The following DHRS7 variants were observed in gnomAD, a reference collection of about 807,000 sequenced individuals.
The protein encoded by DHRS7 is dehydrogenase/reductase 7.
In DHRS7, 34 loss-of-function variants were observed where a neutral mutation model predicts 38.9. The ratio of observed to expected loss-of-function variants is 0.87; its 90% confidence interval spans 0.66 to 1.16. The LOEUF is 1.16. Among genes scored for constraint, DHRS7 ranks in the 50% most tolerant of loss-of-function variants. DHRS7 has a pLI of 0.00. For synonymous variants in DHRS7, 158 were observed against 153.1 expected (o/e 1.03, Z -0.24); for missense variants, 421 against 407.0 (o/e 1.03, Z -0.30).
chr14:60,168,442 T>C (rs575231066), upstream of DHRS7, among the ~76,000 whole-genome samples: 18 of 152,208 alleles, frequency 1.2e-4, no homozygotes, highest in Non-Finnish European at 2.2e-4. Flanking sequence ...ACGAGGTCTG[T>C]GGATTTTGCC....
intron 5 of DHRS7, among the ~76,000 whole-genome samples, chr14:60,149,842 T>C (rs1456416060): frequency 6.6e-6 from 1 of 152,134 alleles, no homozygotes; most frequent in Non-Finnish European, 1.5e-5. Context: ...CTAATGTGCT[T>C]AATGACAATT....
chr14:60,150,218 AGGC>A (rs1485526351), intron 4 of DHRS7, 31 bp from the exon 5 acceptor site: 1 of 1,506,784 alleles, frequency 6.6e-7, no homozygotes. Context: ...AAAAGGAAAA[AGGC>A]AAATAAATAC....
rs191214432 is a variant in DHRS7, at chr14:60,162,305, C to T, written c.133+2872G>A. 2.9e-4 allele frequency among the ~76,000 whole-genome samples: 44 copies of T among 151,486 alleles called. No individual in the cohort carries two copies. Among genetic ancestry groups the T allele is most frequent in the Admixed American group, 2.7e-3 (41 of 15,216 alleles). On this transcript the variant is annotated intron_variant, in intron 1 of 6. Transcript: ENST00000557185. This position sits in a 1 kb window ranked among gnomAD's most constrained non-coding sequence, Gnocchi z 4.5. The stretch of plus-strand genomic sequence containing the variant: ...GGAGGATTGCCTGAGCCCAGGAGTT[C>T]GAGGCTGCAGTGAGCTATGATCATG...
At chr14:60,156,783 C>T (rs1896668633) in intron 1 of DHRS7, among the ~76,000 whole-genome samples, 1 of 152,188 alleles carries the variant, frequency 6.6e-6, no homozygotes, top group Non-Finnish European at 1.5e-5. Context: ...GATGCCTGAG[C>T]TTTCATCTTA....
rs773631764 is a variant in DHRS7, at chr14:60,156,132, CCATATCAGT to C, written c.145_153del (p.Thr49_Met51del). 6.9e-6 allele frequency: 11 copies of C among 1,594,336 alleles called. No individual in the cohort carries two copies. Among genetic ancestry groups the C allele is most frequent in the Admixed American group, 1.7e-5 (1 of 57,160 alleles). On this transcript the variant is annotated inframe_deletion, in exon 2 of 7. Coordinates refer to ENST00000557185, the MANE Select transcript of DHRS7 (RefSeq NM_016029.4). ...CTCGAGGCTCCAGTCACCCACACCA[CCATATCAGT>C]CAGCTCCCATTCTATGGAAGGAATG...
chr14:60,165,544 C>G, upstream of DHRS7: 3 of 1,266,184 alleles, frequency 2.4e-6, no homozygotes, highest in East Asian at 3.4e-5. This position sits in a 1 kb window ranked among gnomAD's most constrained non-coding sequence, Gnocchi z 4.6. Flanking sequence ...CCGGCGGGGC[C>G]GGCAGATTGC....
intron 1 of DHRS7, among the ~76,000 whole-genome samples, chr14:60,160,678 G>A (rs1896748184): frequency 6.6e-6 from 1 of 152,140 alleles, no homozygotes; most frequent in Non-Finnish European, 1.5e-5. Context: ...CCACGGCTCA[G>A]GCTCAAGCCA....
Position 60,153,430 on chromosome 14 carries a change from C to G in DHRS7, c.394-252G>C, listed in dbSNP as rs1896591039. Among the ~76,000 whole-genome samples, 1 of 152,148 alleles carries G rather than the reference C, an allele frequency of 6.6e-6. No individual in the cohort carries two copies. The highest frequency in any genetic ancestry group is 1.5e-5 in the Non-Finnish European group (1 of 68,022). ...ATAAATAAAAGCAGCCAGCTGGGCA[C>G]AGTAGCCTGTAATCCCTGCACTTTG... On this transcript the variant is annotated intron_variant, in intron 3 of 6. Transcript: ENST00000557185. The surrounding 1 kb of genome is among the most constrained non-coding windows in gnomAD (Gnocchi z 4.4).
At position 60,165,353 on chromosome 14, in the gene DHRS7, A is replaced by G. The variant is rs1307713899; in HGVS notation, c.-44T>C. The G allele has an allele frequency of 5.2e-6, 8 of 1,544,796 alleles. No homozygotes were observed. The highest frequency in any genetic ancestry group is 6.1e-6 in the Non-Finnish European group (7 of 1,149,972). On this transcript the variant is annotated 5_prime_UTR_variant, in exon 1 of 7. Coordinates refer to ENST00000557185, the MANE Select transcript of DHRS7 (RefSeq NM_016029.4). The surrounding 1 kb of genome is among the most constrained non-coding windows in gnomAD (Gnocchi z 4.6). Reference sequence around the variant, plus strand: ...GCTCGGGGGGAAGAAGACGGCCCGCACCAGAGTCGCGTCGCTGCCCTGCGG... The same window carrying G: ...GCTCGGGGGGAAGAAGACGGCCCGCGCCAGAGTCGCGTCGCTGCCCTGCGG...
At position 60,145,196 on chromosome 14, in the gene DHRS7, A is replaced by G; in HGVS notation, c.973-183T>C. The G allele has an allele frequency of 2.2e-6, 1 of 464,484 alleles. No individual in the cohort carries two copies. The highest frequency in any genetic ancestry group is 3.9e-5 in the Admixed American group (1 of 25,446). 28.8% of individuals were successfully genotyped at this position (464,484 alleles called of 1,614,324 possible). A position where few individuals can be genotyped will look rare whatever the true frequency, so the allele number is the denominator to read the frequency against. ...CATAGCCAAAATTCTAGATGTACACAAAAGTACTTCTAATGAGTTTAGCAT... is the reference window on the plus strand; with the variant it reads ...CATAGCCAAAATTCTAGATGTACACGAAAGTACTTCTAATGAGTTTAGCAT... On this transcript the variant is annotated intron_variant, in intron 6 of 6. Coordinates refer to ENST00000557185, the MANE Select transcript of DHRS7 (RefSeq NM_016029.4). The surrounding 1 kb of genome is among the most constrained non-coding windows in gnomAD (Gnocchi z 4.0).
At position 60,149,422 on chromosome 14, in the gene DHRS7, C is replaced by G. The variant is rs755472688; in HGVS notation, c.903G>C (p.Met301Ile). Residue 301 changes from methionine (M) to isoleucine (I), a missense_variant, in exon 6 of 7, where the codon ATG becomes ATC. Met to Ile is a conservative substitution (Grantham distance 10, BLOSUM62 1). Coordinates refer to ENST00000557185, the MANE Select transcript of DHRS7 (RefSeq NM_016029.4). ...TGGTTATCCACCAGGCCCAGGTTGG[C>G]ATGTATTGCCACAAATATGTTACTA... is the stretch of plus-strand genomic sequence containing the variant. ...FLLVTYLWQY[M>I]PTWAWWITNK... 9 of 1,614,156 alleles carry G rather than the reference C, an allele frequency of 5.6e-6. No individual in the cohort carries two copies. Among genetic ancestry groups the G allele is most frequent in the African/African-American group, 1.3e-5 (1 of 75,034 alleles).
At chr14:60,150,012 T>A in intron 5 of DHRS7, 53 bp downstream of exon 5, 1 of 1,556,814 alleles carries the variant, frequency 6.4e-7, no homozygotes, top group South Asian at 1.2e-5. Flanking sequence ...CAATATATAA[T>A]GCCAATATAT....
At chr14:60,164,058 A>G (rs1340516683) in intron 1 of DHRS7, among the ~76,000 whole-genome samples, 1 of 152,102 alleles carries the variant, frequency 6.6e-6, no homozygotes, top group African/African-American at 2.4e-5. Flanking sequence ...TCGTGAACTC[A>G]ATGTCAGTGC....
At chr14:60,168,259 G>A (rs1231976788), upstream of DHRS7, among the ~76,000 whole-genome samples, 1 of 152,146 alleles carries the variant, frequency 6.6e-6, no homozygotes, top group Admixed American at 6.5e-5. Flanking sequence ...ACAGTATCTT[G>A]GGTCTCTTAA....
intron 1 of DHRS7, 31 bp from the exon 2 acceptor site, chr14:60,156,183 A>T (rs776304642): frequency 6.6e-7 from 1 of 1,507,420 alleles, no homozygotes; most frequent in Non-Finnish European, 8.9e-7. Flanking sequence ...GAAGGAAGAA[A>T]ATAAGCAATG....
intron 4 of DHRS7, chr14:60,152,717 A>G: frequency 1.7e-6 from 1 of 573,152 alleles, no homozygotes. Context: ...TACATGGCAC[A>G]ATGCAGTGCT....
chr14:60,160,343 CTTT>C (rs752997109), intron 1 of DHRS7, among the ~76,000 whole-genome samples: 5 of 116,776 alleles, frequency 4.3e-5, no homozygotes, highest in African/African-American at 6.3e-5. Flanking sequence ...AAAAAAACTT[CTTT>C]TTTTTTTTTT....
rs548688221 is a variant in DHRS7 at position 60,157,069 on chromosome 14, G to GT, written c.134-918dup. ...TTATTTATCAAAAATATCAAATATC[G>GT]TATCACTTAACATCACATTTCCGAT... On this transcript the variant is annotated intron_variant, in intron 1 of 6. Transcript: ENST00000557185. Among the ~76,000 whole-genome samples, 120 of 152,190 alleles carry GT rather than the reference G, an allele frequency of 7.9e-4. 1 individual carries two copies. Among genetic ancestry groups the GT allele is most frequent in the Non-Finnish European group, 1.4e-3 (97 of 68,008 alleles).
chr14:60,168,071 G>C (rs188424537), upstream of DHRS7, among the ~76,000 whole-genome samples: 11 of 152,252 alleles, frequency 7.2e-5, no homozygotes, highest in African/African-American at 2.2e-4. Context: ...CTAGTTTTCT[G>C]ATATTCTTCA....
Sources: allele counts gnomAD v4.1 joint callset (sites outside exome capture counted in the v4.1 genomes callset), GRCh38; gene constraint gnomAD v4.1.1; non-coding constraint Gnocchi (gnomAD v3.1); transcripts MANE v1.5; gene names NCBI Gene and HGNC (gene_info 2026-07-23, HGNC 2026-07-21).